Variants in CPNE1 observed in about 807,000 individuals in gnomAD.
CPNE1 encodes copine-1.
CPNE1 carries 58 observed loss-of-function variants against 63.2 expected under a neutral mutation model. That is an observed-to-expected ratio of 0.92 (90% CI 0.74 to 1.14). The LOEUF is 1.14. CPNE1 is among the 50% of genes most tolerant of loss of function. The probability of loss-of-function intolerance (pLI) is 0.00; values close to 1 mark genes in which losing one functional copy is unlikely to be tolerated. For synonymous variants in CPNE1, 237 were observed against 249.0 expected (o/e 0.95, Z 0.45); for missense variants, 672 against 661.7 (o/e 1.02, Z -0.17).
Position 35,657,388 on chromosome 20 carries a change from C to T in CPNE1, c.-1+7372G>A, listed in dbSNP as rs191006876. Reference sequence around the variant, plus strand: ...CTGTATGCAAAATGTGATAGCATTTCCTGTTCAACTTCAAAAAACGGTTAA... The same window carrying T: ...CTGTATGCAAAATGTGATAGCATTTTCTGTTCAACTTCAAAAAACGGTTAA... On this transcript the variant is annotated intron_variant, in intron 1 of 15. Transcript: ENST00000397443. 4.7e-4 allele frequency among the ~76,000 whole-genome samples: 71 copies of T among 152,288 alleles called. 1 individual carries two copies. In the Middle Eastern group the frequency reaches 0.014, roughly 29 times the overall value.
At chr20:35,647,307 T>A (rs2033169678) in intron 1 of CPNE1, 2 of 105,340 alleles carry the variant, frequency 1.9e-5, no homozygotes, top group African/African-American at 7.8e-5. Context: ...AGCGTGAGAC[T>A]TTGTCTCAAA....
intron 1 of CPNE1, among the ~76,000 whole-genome samples, chr20:35,641,713 T>C (rs1464440153): frequency 6.6e-6 from 1 of 152,224 alleles, no homozygotes; most frequent in Non-Finnish European, 1.5e-5. Context: ...CTTCTCACTC[T>C]GGACCACTAT....
chr20:35,658,800 AAAACACACACAC>A lies in CPNE1; in HGVS notation c.-1+5948_-1+5959del, dbSNP rs2034057689. The A allele has an allele frequency of 6.2e-6, 3 of 481,462 alleles. No individual in the cohort carries two copies. In the African/African-American group the frequency reaches 1.0e-4, roughly 16 times the overall value. The allele number at this position is 481,462 out of a possible 1,614,324, so 29.8% of individuals were successfully genotyped here. A position where few individuals can be genotyped will look rare whatever the true frequency, so the allele number is the denominator to read the frequency against. ...TCTCAAAACAAAAAACAAGCAAACA[AAAACACACACAC>A]ACACACACACACACACACACACACA... is the stretch of plus-strand genomic sequence containing the variant. On this transcript the variant is annotated intron_variant, in intron 1 of 15. Coordinates refer to ENST00000397443, the MANE Select transcript of CPNE1 (RefSeq NM_152925.3).
chr20:35,637,789 C>T (rs768869179), intron 1 of CPNE1, among the ~76,000 whole-genome samples: 1 of 152,192 alleles, frequency 6.6e-6, no homozygotes, highest in African/African-American at 2.4e-5. Flanking sequence ...GTCTTCAAGG[C>T]CCTGCAAGAC....
At chr20:35,663,890 T>G (rs561526700) in intron 1 of CPNE1, among the ~76,000 whole-genome samples, 1 of 152,146 alleles carries the variant, frequency 6.6e-6, no homozygotes, top group Non-Finnish European at 1.5e-5. Context: ...AGAAACTCAA[T>G]TAACTCTCCA....
At chr20:35,659,886 G>T (rs935074078) in intron 1 of CPNE1, among the ~76,000 whole-genome samples, 5 of 152,030 alleles carry the variant, frequency 3.3e-5, no homozygotes, top group Non-Finnish European at 5.9e-5. Context: ...TTAATTCGGA[G>T]AGAGAAGAAA....
chr20:35,653,191 C>A (rs1301972137), intron 1 of CPNE1: 7 of 1,613,370 alleles, frequency 4.3e-6, no homozygotes, highest in Non-Finnish European at 5.9e-6. Context: ...TTCCTTTGAT[C>A]CTACAGTCAG....
At chr20:35,653,744 C>T in intron 1 of CPNE1, 8 of 1,614,178 alleles carry the variant, frequency 5.0e-6, no homozygotes, top group Non-Finnish European at 6.8e-6. Context: ...TCCCTCTGGT[C>T]ATAGCTGAAG....
intron 6 of CPNE1, 29 bp downstream of exon 6, chr20:35,631,916 C>A (rs767946956): frequency 6.2e-7 from 1 of 1,604,364 alleles, no homozygotes; most frequent in South Asian, 1.1e-5. Context: ...TCTCCTACCC[C>A]AGCCCACCCA....
chr20:35,644,140 C>T (rs1323399631), intron 1 of CPNE1, among the ~76,000 whole-genome samples: 2 of 152,108 alleles, frequency 1.3e-5, no homozygotes, highest in Admixed American at 6.6e-5. Flanking sequence ...ATCCCCTGCC[C>T]GGCACAGAGT....
intron 1 of CPNE1, among the ~76,000 whole-genome samples, chr20:35,647,141 T>C (rs938367743): frequency 2.6e-5 from 4 of 151,638 alleles, no homozygotes; most frequent in Non-Finnish European, 5.9e-5. Flanking sequence ...TGAAACCCCA[T>C]CTCTACTAAA....
intron 1 of CPNE1, among the ~76,000 whole-genome samples, chr20:35,656,884 T>A (rs867837059): frequency 3.4e-5 from 5 of 147,560 alleles, no homozygotes; most frequent in Admixed American, 6.7e-5. Context: ...ATGAAGAGAT[T>A]TGGTTTTATC....
At chr20:35,648,549 T>TAGA (rs1269379716) in intron 1 of CPNE1, among the ~76,000 whole-genome samples, 1 of 152,238 alleles carries the variant, frequency 6.6e-6, no homozygotes, top group Non-Finnish European at 1.5e-5. Flanking sequence ...GATTATTTAA[T>TAGA]AATGGCTCAG....
chr20:35,653,515 C>CCTTA, intron 1 of CPNE1: 1 of 1,614,196 alleles, frequency 6.2e-7, no homozygotes, highest in South Asian at 1.1e-5. Context: ...ACGGTGTAAG[C>CCTTA]GTTCAGACTT....
At chr20:35,630,549 G>A in intron 12 of CPNE1, 59 bp from the exon 13 acceptor site, 1 of 1,581,126 alleles carries the variant, frequency 6.3e-7, no homozygotes, top group African/African-American at 1.3e-5. Flanking sequence ...GAATGAAAAA[G>A]GACACTGGCG....
chr20:35,664,037 C>T (rs562757208), intron 1 of CPNE1, among the ~76,000 whole-genome samples: 1 of 152,296 alleles, frequency 6.6e-6, no homozygotes, highest in South Asian at 2.1e-4. Flanking sequence ...TGGCATCTTA[C>T]TACAATTCTC....
chr20:35,644,755 T>C (rs1180541317), intron 1 of CPNE1, among the ~76,000 whole-genome samples: 3 of 152,204 alleles, frequency 2.0e-5, no homozygotes, highest in Non-Finnish European at 4.4e-5. Context: ...TCTCCCCTCA[T>C]GATCTATGCT....
chr20:35,651,385 T>C (rs531821536), intron 1 of CPNE1: 1 of 152,320 alleles, frequency 6.6e-6, no homozygotes, highest in South Asian at 2.1e-4. Context: ...TATGAAGACT[T>C]TTAGTAAACA....
At position 35,627,402 on chromosome 20, in the gene CPNE1, T is replaced by A; in HGVS notation, c.1114A>T (p.Ile372Phe). ...SNPYCAGIQG[I>F]VDAYRQALPQ... ...AGGGCTTGGCGGTAGGCATCCACAATGCCCTGGATGCCTGCAGAGGAGAGC... is the reference window on the plus strand; with the variant it reads ...AGGGCTTGGCGGTAGGCATCCACAAAGCCCTGGATGCCTGCAGAGGAGAGC... The change falls in exon 14 of 16, where the codon ATT (isoleucine) becomes TTT (phenylalanine). Residue 372 changes from isoleucine to phenylalanine, a missense_variant. Transcript: ENST00000397443. The A allele has an allele frequency of 1.9e-6, 3 of 1,613,812 alleles. No homozygotes were observed. Among genetic ancestry groups the A allele is most frequent in the Non-Finnish European group, 2.5e-6 (3 of 1,179,914 alleles).
Sources: allele counts gnomAD v4.1 joint callset (sites outside exome capture counted in the v4.1 genomes callset), GRCh38; gene constraint gnomAD v4.1.1; transcripts MANE v1.5; gene names NCBI Gene and HGNC (gene_info 2026-07-23, HGNC 2026-07-21).